GLI3: variants seen among roughly 807,000 people sequenced by gnomAD.
The protein encoded by GLI3 is GLI family zinc finger 3, also known as transcription activator GLI3.
In GLI3, 20 loss-of-function variants were observed where a neutral mutation model predicts 100.8. That is an observed-to-expected ratio of 0.20 (90% CI 0.14 to 0.29). The LOEUF (loss-of-function observed/expected upper bound fraction) is 0.29. Ranked by LOEUF, GLI3 falls within the 10% of genes least tolerant of loss-of-function variation. The probability of loss-of-function intolerance (pLI) is 1.00; values close to 1 mark genes in which losing one functional copy is unlikely to be tolerated. For synonymous variants in GLI3, 938 were observed against 860.5 expected (o/e 1.09, Z -1.58); for missense variants, 2,040 against 2,128.5 (o/e 0.96, Z 0.82).
chr7:42,219,988 G>C (rs940904229), intron 2 of GLI3, among the ~76,000 whole-genome samples: 1 of 151,812 alleles, frequency 6.6e-6, no homozygotes, highest in African/African-American at 2.4e-5. Context: ...CGAGTGGCTG[G>C]GACTACAGGC....
At chr7:42,160,564 C>T in intron 2 of GLI3, among the ~76,000 whole-genome samples, 1 of 152,218 alleles carries the variant, frequency 6.6e-6, no homozygotes, top group East Asian at 1.9e-4. Flanking sequence ...CTTGTGGCAT[C>T]ACGTTGGTGC....
In GLI3 at chr7:42,040,057, A is replaced by G. The variant is rs536366319; in HGVS notation, c.1009T>C (p.Leu337=). ...SSSASGSYGH[L]SASAISPALS... ...ACATACCTGATTGCACTTGCAGATA[A>G]GTGACCATAGGAGCCACTTGCTGAA... The change falls in exon 7 of 15, where the codon TTA becomes CTA. Residue 337 remains leucine, a synonymous_variant. Coordinates refer to ENST00000395925, the MANE Select transcript of GLI3 (RefSeq NM_000168.6). 3.1e-6 allele frequency: 5 copies of G among 1,613,338 alleles called. No homozygotes were observed. In the South Asian group the frequency reaches 5.5e-5, roughly 18 times the overall value.
intron 1 of GLI3, among the ~76,000 whole-genome samples, chr7:42,223,609 C>T (rs975906125): frequency 5.3e-5 from 8 of 152,186 alleles, no homozygotes; most frequent in African/African-American, 1.7e-4. Context: ...TCATGTGAAA[C>T]AAGTGTCACA....
At chr7:42,180,993 G>T (rs915797789) in intron 2 of GLI3, among the ~76,000 whole-genome samples, 3 of 152,270 alleles carry the variant, frequency 2.0e-5, no homozygotes, top group African/African-American at 7.2e-5. Context: ...AGGCTACAGT[G>T]TAAATATTTT....
rs143588030 is a variant in GLI3, at chr7:42,003,951, T to C, written c.1497+19517A>G. Among the ~76,000 whole-genome samples the C allele has an allele frequency of 2.1e-4, 32 of 152,172 alleles. No individual in the cohort carries two copies. In the East Asian group the frequency reaches 6.0e-3, roughly 28 times the overall value. Reference sequence around the variant, plus strand: ...CAGGAAACCTGTATCTAGCAACATATCAAAAGAGTAACTCACCTGGCACAC... The same window carrying C: ...CAGGAAACCTGTATCTAGCAACATACCAAAAGAGTAACTCACCTGGCACAC... On this transcript the variant is annotated intron_variant, in intron 10 of 14. Coordinates refer to ENST00000395925, the MANE Select transcript of GLI3 (RefSeq NM_000168.6).
intron 4 of GLI3, among the ~76,000 whole-genome samples, chr7:42,059,241 G>A (rs2128746364): frequency 6.6e-6 from 1 of 151,976 alleles, no homozygotes. Flanking sequence ...TATTATTTTA[G>A]CAGACTTTTT....
intron 7 of GLI3, 69 bp from the exon 8 acceptor site, chr7:42,026,481 G>A: frequency 8.8e-7 from 1 of 1,137,852 alleles, no homozygotes; most frequent in Non-Finnish European, 1.3e-6. Flanking sequence ...CACAAGATCT[G>A]CAGCTTTCTA....
At chr7:42,153,935 C>T (rs369967974) in intron 2 of GLI3, among the ~76,000 whole-genome samples, 115 of 152,184 alleles carry the variant, frequency 7.6e-4, no homozygotes, top group African/African-American at 2.6e-3. Context: ...CGTCATGTCC[C>T]AGGTGAGTAA....
At chr7:42,142,486 C>T (rs1200134410) in intron 3 of GLI3, among the ~76,000 whole-genome samples, 1 of 152,070 alleles carries the variant, frequency 6.6e-6, no homozygotes, top group African/African-American at 2.4e-5. Flanking sequence ...TAAATTTATC[C>T]TCAAAATTGA....
In GLI3 at chr7:42,234,426, A is replaced by G. The variant is rs1172318945; in HGVS notation, c.-43+2545T>C. 9.2e-5 allele frequency among the ~76,000 whole-genome samples: 14 copies of G among 152,226 alleles called. No individual in the cohort carries two copies. In the East Asian group the frequency reaches 2.5e-3, roughly 27 times the overall value. ...CTTCACTGGCCAAGAAACAAAGGAA[A>G]GTCCAACTTTTAGGCTTGCACATCG... On this transcript the variant is annotated intron_variant, in intron 1 of 14. Transcript: ENST00000395925.
chr7:42,002,111 A>G (rs1333599189), intron 10 of GLI3, among the ~76,000 whole-genome samples: 3 of 152,234 alleles, frequency 2.0e-5, no homozygotes, highest in Non-Finnish European at 4.4e-5. Context: ...TAAAGGGAAG[A>G]ATTGAGAGGG....
intron 2 of GLI3, among the ~76,000 whole-genome samples, chr7:42,203,853 G>T (rs1200588210): frequency 6.6e-6 from 1 of 152,106 alleles, no homozygotes; most frequent in Admixed American, 6.5e-5. Context: ...ACAAAAGTTA[G>T]CTGGATGTAG....
At chr7:42,066,465 G>T (rs1283554442) in intron 4 of GLI3, among the ~76,000 whole-genome samples, 1 of 151,986 alleles carries the variant, frequency 6.6e-6, no homozygotes, top group Admixed American at 6.6e-5. Context: ...ATGGGGAAAG[G>T]TGGGGAGGTT....
At chr7:42,170,787 T>TGCCACAATC (rs1372417225) in intron 2 of GLI3, among the ~76,000 whole-genome samples, 3 of 152,144 alleles carry the variant, frequency 2.0e-5, no homozygotes, top group African/African-American at 7.2e-5. Context: ...TCACCACAAT[T>TGCCACAATC]GCCACAATCA....
intron 2 of GLI3, among the ~76,000 whole-genome samples, chr7:42,177,608 C>A (rs1787506653): frequency 6.6e-6 from 1 of 152,120 alleles, no homozygotes; most frequent in Non-Finnish European, 1.5e-5. Context: ...TGTAGATATT[C>A]AAAATCCTAA....
chr7:42,045,606 T>C, intron 5 of GLI3, 76 bp from the exon 6 acceptor site: 1 of 1,333,140 alleles, frequency 7.5e-7, no homozygotes, highest in Non-Finnish European at 1.1e-6. Context: ...CATCTCAGAG[T>C]CCATTACACA....
At chr7:41,990,761 T>C (rs533739437) in intron 10 of GLI3, among the ~76,000 whole-genome samples, 1 of 152,288 alleles carries the variant, frequency 6.6e-6, no homozygotes, top group East Asian at 1.9e-4. Context: ...TCCACGGTCA[T>C]GGCTCTCCCT....
intron 3 of GLI3, among the ~76,000 whole-genome samples, chr7:42,110,669 C>G (rs1056493106): frequency 3.9e-5 from 6 of 152,164 alleles, no homozygotes; most frequent in African/African-American, 1.4e-4. Context: ...TTATCTTAAG[C>G]TGTTTTTAAG....
rs535024152 is a variant in GLI3 at position 42,211,739 on chromosome 7, T to C, written c.124+11391A>G. 1.3e-4 allele frequency among the ~76,000 whole-genome samples: 20 copies of C among 152,328 alleles called. No individual in the cohort carries two copies. In the East Asian group the frequency reaches 1.5e-3, roughly 12 times the overall value. ...CCTAGTATTCATAACTGCCACGCCATGTCCTCCCAAAGGTTCATTTGCACC... is the reference window on the plus strand; with the variant it reads ...CCTAGTATTCATAACTGCCACGCCACGTCCTCCCAAAGGTTCATTTGCACC... On this transcript the variant is annotated intron_variant, in intron 2 of 14. Transcript: ENST00000395925.
Sources: gnomAD v4.1 joint callset for allele counts (sites outside exome capture counted in the v4.1 genomes callset) on GRCh38, gnomAD v4.1.1 for gene constraint, MANE v1.5 for transcripts, NCBI Gene and HGNC (gene_info 2026-07-23, HGNC 2026-07-21) for gene names.